The following PDZRN4 variants were observed in gnomAD, a reference collection of about 807,000 sequenced individuals.
PDZRN4 encodes PDZ domain containing ring finger 4, also known as PDZ domain-containing RING finger protein 4.
In PDZRN4, 70 loss-of-function variants were observed where a neutral mutation model predicts 99.0. The ratio of observed to expected loss-of-function variants is 0.71; its 90% CI spans 0.58 to 0.86. The LOEUF is 0.86. Ranked by LOEUF, PDZRN4 falls within the 40% of genes least tolerant of loss-of-function variation. The pLI is 0.00. For synonymous variants in PDZRN4, 551 were observed against 501.6 expected (o/e 1.10, Z -1.32); for missense variants, 1,474 against 1,331.2 (o/e 1.11, Z -1.67).
intron 3 of PDZRN4, among the ~76,000 whole-genome samples, chr12:41,268,531 A>T (rs1027128377): frequency 6.6e-6 from 1 of 152,224 alleles, no homozygotes; most frequent in East Asian, 1.9e-4. Flanking sequence ...ACTTTTTAAC[A>T]TGGTCTCATT....
chr12:41,511,840 A>G (rs1938309669), intron 5 of PDZRN4, among the ~76,000 whole-genome samples: 1 of 152,172 alleles, frequency 6.6e-6, no homozygotes. Context: ...AGGCTCATTC[A>G]GTGAAGAGAT....
chr12:41,411,066 TA>T (rs200739393), intron 3 of PDZRN4, among the ~76,000 whole-genome samples: 2,292 of 112,654 alleles, frequency 0.02, 47 homozygotes, highest in African/African-American at 0.069. Context: ...TATATATATA[TA>T]TTTTTTTTTT....
At position 41,484,876 on chromosome 12, in the gene PDZRN4, G is replaced by A. The variant is rs558469122; in HGVS notation, c.844-21580G>A. 1.6e-3 allele frequency among the ~76,000 whole-genome samples: 237 copies of A among 152,206 alleles called. 1 individual carries two copies. Among genetic ancestry groups the A allele is most frequent in the African/African-American group, 5.5e-3 (230 of 41,550 alleles). On this transcript the variant is annotated intron_variant, in intron 3 of 9. Transcript: ENST00000402685. ...AAAGAATATCAGGTAGTAGGTCAGG[G>A]TTGCCTACAATCCTGACAACAAAGT...
chr12:41,507,464 A>G (rs1938227958), intron 4 of PDZRN4, among the ~76,000 whole-genome samples: 1 of 152,088 alleles, frequency 6.6e-6, no homozygotes, highest in Non-Finnish European at 1.5e-5. Context: ...CTTAGCCTGC[A>G]TTTTCATCAC....
Position 41,573,728 on chromosome 12 carries a change from G to T in PDZRN4, c.2949G>T (p.Lys983Asn), listed in dbSNP as rs779652687. ...ESPQSGSEGK[K>N]EINIIELSHK... ...CTCAGAGCGGCAGTGAGGGCAAGAA[G>T]GAGATCAATATCATTGAACTGAGTC... is the stretch of plus-strand genomic sequence containing the variant. Residue 983 changes from lysine to asparagine, a missense_variant, in exon 10 of 10, where the codon AAG (lysine) becomes AAT (asparagine). Physicochemically the swap from Lys to Asn is moderately conservative, Grantham distance 94. Coordinates refer to ENST00000402685, the MANE Select transcript of PDZRN4 (RefSeq NM_001164595.2). 5 of 1,613,840 alleles carry T rather than the reference G, an allele frequency of 3.1e-6. No homozygotes were observed. The highest frequency in any genetic ancestry group is 4.2e-6 in the Non-Finnish European group (5 of 1,179,940).
intron 5 of PDZRN4, among the ~76,000 whole-genome samples, chr12:41,517,228 G>C (rs1226118953): frequency 6.6e-6 from 1 of 151,988 alleles, no homozygotes; most frequent in African/African-American, 2.4e-5. Flanking sequence ...TATTAAACCA[G>C]GTAAGCATGG....
intron 3 of PDZRN4, among the ~76,000 whole-genome samples, chr12:41,226,921 A>T (rs529675553): frequency 6.6e-6 from 1 of 152,138 alleles, no homozygotes; most frequent in Non-Finnish European, 1.5e-5. Context: ...TCTATTGACC[A>T]TATTGTACTT....
intron 3 of PDZRN4, among the ~76,000 whole-genome samples, chr12:41,402,217 TACAC>T (rs373728405): frequency 1.6e-4 from 1 of 6,188 alleles, no homozygotes; most frequent in Non-Finnish European, 7.8e-4. Flanking sequence ...TACATATATA[TACAC>T]ACACACTGAG....
chr12:41,452,284 A>C (rs1408981067), intron 3 of PDZRN4, among the ~76,000 whole-genome samples: 2 of 151,458 alleles, frequency 1.3e-5, no homozygotes, highest in African/African-American at 4.9e-5. Flanking sequence ...CAAAAAAAAA[A>C]AAAAATTAGC....
At chr12:41,554,583 C>T (rs1261272428) in intron 6 of PDZRN4, among the ~76,000 whole-genome samples, 1 of 151,638 alleles carries the variant, frequency 6.6e-6, no homozygotes, top group Non-Finnish European at 1.5e-5. Context: ...AAAAAAAAAG[C>T]TTTGATGCAA....
intron 5 of PDZRN4, among the ~76,000 whole-genome samples, chr12:41,526,798 T>C (rs566035222): frequency 1.3e-5 from 2 of 152,328 alleles, no homozygotes; most frequent in African/African-American, 4.8e-5. Context: ...TGTAATTAAA[T>C]ACACAGTGTT....
chr12:41,372,554 G>T (rs1186826414), intron 3 of PDZRN4, among the ~76,000 whole-genome samples: 2 of 152,142 alleles, frequency 1.3e-5, no homozygotes, highest in Non-Finnish European at 2.9e-5. Context: ...ATAGGGATGA[G>T]CCAGATAGAT....
chr12:41,391,830 G>T (rs1262304826), intron 3 of PDZRN4, among the ~76,000 whole-genome samples: 1 of 152,112 alleles, frequency 6.6e-6, no homozygotes, highest in Admixed American at 6.6e-5. Flanking sequence ...TGCATGATTG[G>T]TGAGTCAGTT....
chr12:41,539,279 A>G (rs1324785935), intron 5 of PDZRN4, among the ~76,000 whole-genome samples: 2 of 151,994 alleles, frequency 1.3e-5, no homozygotes, highest in Non-Finnish European at 2.9e-5. Context: ...TTTTGGGAAA[A>G]AGAGGTTTAA....
chr12:41,401,004 T>C (rs1484473882), intron 3 of PDZRN4, among the ~76,000 whole-genome samples: 2 of 152,210 alleles, frequency 1.3e-5, no homozygotes, highest in African/African-American at 2.4e-5. Context: ...ATTCATTTCA[T>C]GTTGAAGCAT....
intron 3 of PDZRN4, chr12:41,459,864 A>T: frequency 9.5e-7 from 1 of 1,050,198 alleles, no homozygotes; most frequent in Non-Finnish European, 1.2e-6. Flanking sequence ...CCATTAAATT[A>T]ACATTAGTTT....
At chr12:41,198,798 G>A (rs1055886323) in intron 3 of PDZRN4, among the ~76,000 whole-genome samples, 15 of 152,054 alleles carry the variant, frequency 9.9e-5, no homozygotes, top group African/African-American at 3.6e-4. Flanking sequence ...TTCCCACATT[G>A]AAGTGTCAGT....
In PDZRN4 at chr12:41,505,183, T is replaced by C. The variant is rs981897304; in HGVS notation, c.844-1273T>C. 3.3e-5 allele frequency among the ~76,000 whole-genome samples: 5 copies of C among 152,232 alleles called. No homozygotes were observed. In the East Asian group the frequency reaches 7.7e-4, roughly 24 times the overall value. ...CTGCAACTCAGTGACTTCTTTTGCT[T>C]CTTTTTTAGGCACCCAGGGATCTCT... On this transcript the variant is annotated intron_variant, in intron 3 of 9. Coordinates refer to ENST00000402685, the MANE Select transcript of PDZRN4 (RefSeq NM_001164595.2).
At chr12:41,356,525 T>C (rs1951928764) in intron 3 of PDZRN4, among the ~76,000 whole-genome samples, 1 of 152,026 alleles carries the variant, frequency 6.6e-6, no homozygotes, top group Non-Finnish European at 1.5e-5. Context: ...AAGAACCTAA[T>C]GATGTCTTCC....
Sources: allele counts gnomAD v4.1 joint callset (sites outside exome capture counted in the v4.1 genomes callset), GRCh38; gene constraint gnomAD v4.1.1; transcripts MANE v1.5; gene names NCBI Gene and HGNC (gene_info 2026-07-23, HGNC 2026-07-21).